The following NXPH2 variants were observed in gnomAD, a reference collection of about 807,000 sequenced individuals.
The protein encoded by NXPH2 is neurexophilin 2, also known as neurexophilin-2.
NXPH2 carries 5 observed loss-of-function variants against 19.8 expected under a neutral mutation model. That is an observed-to-expected ratio of 0.25 (90% confidence interval 0.13 to 0.53). The LOEUF is 0.53. Ranked by LOEUF, NXPH2 falls within the 20% of genes least tolerant of loss-of-function variation. NXPH2 has a pLI of 0.96. For missense variants in NXPH2, 289 were observed against 322.8 expected (o/e 0.90, Z 0.80); for synonymous variants, 154 against 127.4 (o/e 1.21, Z -1.41).
chr2:138,696,774 A>G lies in NXPH2; in HGVS notation c.52-25109T>C, dbSNP rs143678188. On this transcript the variant is annotated intron_variant, in intron 1 of 1. Transcript: ENST00000272641. ...GTATTTATCCAAGAGAAATGAGTAC[A>G]TATGTCTAAGCAAAGACTTTTACAC... 2.6e-4 allele frequency among the ~76,000 whole-genome samples: 39 copies of G among 152,312 alleles called. No homozygotes were observed. The East Asian group carries it at 6.4e-3, about 25-fold the overall frequency.
chr2:138,758,540 T>C (rs958731078), intron 1 of NXPH2, among the ~76,000 whole-genome samples: 16 of 152,308 alleles, frequency 1.1e-4, no homozygotes, highest in African/African-American at 3.8e-4. Context: ...CCACTCACAA[T>C]AGTGTTTCTC....
intron 1 of NXPH2, among the ~76,000 whole-genome samples, chr2:138,672,677 CTTG>C (rs1407183337): frequency 6.6e-6 from 1 of 152,156 alleles, no homozygotes; most frequent in East Asian, 1.9e-4. Flanking sequence ...ACAAACCACT[CTTG>C]TAATGATTCT....
chr2:138,700,829 T>A (rs1342550330), intron 1 of NXPH2, among the ~76,000 whole-genome samples: 1 of 152,066 alleles, frequency 6.6e-6, no homozygotes, highest in East Asian at 1.9e-4. Context: ...ACTGTAATTA[T>A]GTGTTGGTTC....
chr2:138,776,023 C>T (rs973740835), intron 1 of NXPH2, among the ~76,000 whole-genome samples: 5 of 152,002 alleles, frequency 3.3e-5, no homozygotes, highest in Non-Finnish European at 7.4e-5. Flanking sequence ...AATATGTAAA[C>T]GGTAAGAGAC....
intron 1 of NXPH2, among the ~76,000 whole-genome samples, chr2:138,760,246 A>T (rs1183948631): frequency 6.6e-6 from 1 of 152,186 alleles, no homozygotes; most frequent in African/African-American, 2.4e-5. Context: ...ACCTCCCGCC[A>T]ACTACTAATG....
intron 1 of NXPH2, among the ~76,000 whole-genome samples, chr2:138,709,615 C>T (rs937958826): frequency 6.6e-6 from 1 of 152,036 alleles, no homozygotes; most frequent in Admixed American, 6.6e-5. Flanking sequence ...TGACATGTAC[C>T]CACCATTATA....
chr2:138,727,699 T>C (rs1230324292), intron 1 of NXPH2, among the ~76,000 whole-genome samples: 1 of 152,012 alleles, frequency 6.6e-6, no homozygotes, highest in Admixed American at 6.6e-5. Context: ...AAACATTTTC[T>C]CCCAGTCTGT....
intron 1 of NXPH2, among the ~76,000 whole-genome samples, chr2:138,675,126 C>T (rs1025243328): frequency 6.6e-6 from 1 of 152,138 alleles, no homozygotes; most frequent in East Asian, 1.9e-4. Context: ...ATTACAAATA[C>T]CATGACACTT....
At chr2:138,687,230 T>A (rs1680672649) in intron 1 of NXPH2, among the ~76,000 whole-genome samples, 1 of 152,238 alleles carries the variant, frequency 6.6e-6, no homozygotes, top group South Asian at 2.1e-4. Flanking sequence ...TCCTGACTTT[T>A]TAATGTTTGC....
chr2:138,737,450 A>G (rs904013632), intron 1 of NXPH2, among the ~76,000 whole-genome samples: 1 of 152,186 alleles, frequency 6.6e-6, no homozygotes, highest in East Asian at 1.9e-4. Context: ...AACTGCACCC[A>G]TGATTCAATT....
At chr2:138,771,074 A>G (rs1014768514) in intron 1 of NXPH2, among the ~76,000 whole-genome samples, 4 of 152,160 alleles carry the variant, frequency 2.6e-5, no homozygotes, top group African/African-American at 9.6e-5. Context: ...GAAAACATTT[A>G]TAATTATCAA....
chr2:138,748,857 A>G lies in NXPH2; in HGVS notation c.51+31334T>C, dbSNP rs1439226389. On this transcript the variant is annotated intron_variant, in intron 1 of 1. Coordinates refer to ENST00000272641, the MANE Select transcript of NXPH2 (RefSeq NM_007226.3). ...AGACATTAAAAAAATAAAATTATGC[A>G]TTGTGATCAGCAAGCGTAAGGGATG... Among the ~76,000 whole-genome samples the G allele has an allele frequency of 3.3e-5, 5 of 152,200 alleles. 1 individual carries two copies.
intron 1 of NXPH2, among the ~76,000 whole-genome samples, chr2:138,709,836 A>G (rs961517554): frequency 6.6e-6 from 1 of 152,190 alleles, no homozygotes; most frequent in African/African-American, 2.4e-5. Context: ...ATGTCTTTTC[A>G]TGGTTTAATC....
chr2:138,759,260 G>A (rs907435639), intron 1 of NXPH2, among the ~76,000 whole-genome samples: 4 of 152,134 alleles, frequency 2.6e-5, no homozygotes, highest in South Asian at 2.1e-4. Flanking sequence ...AATAGCAAAA[G>A]CTTACAACAG....
chr2:138,733,230 C>T (rs1573970600), intron 1 of NXPH2, among the ~76,000 whole-genome samples: 1 of 152,110 alleles, frequency 6.6e-6, no homozygotes, highest in East Asian at 1.9e-4. Context: ...TCTGAGATCC[C>T]TTAGTATGAA....
rs551253533 is a variant in NXPH2 at position 138,715,437 on chromosome 2, T to C, written c.52-43772A>G. The stretch of plus-strand genomic sequence containing the variant: ...TGTGTCCATACATCAGATTTTTAAA[T>C]AAATGTATTGAATATAACAAACATC... On this transcript the variant is annotated intron_variant, in intron 1 of 1. Coordinates refer to ENST00000272641, the MANE Select transcript of NXPH2 (RefSeq NM_007226.3). Among the ~76,000 whole-genome samples, 127 of 152,366 alleles carry C rather than the reference T, an allele frequency of 8.3e-4. 1 individual carries two copies. The highest frequency in any genetic ancestry group is 2.5e-3 in the African/African-American group (105 of 41,586).
chr2:138,763,155 A>G (rs760259047), intron 1 of NXPH2, among the ~76,000 whole-genome samples: 5 of 152,236 alleles, frequency 3.3e-5, no homozygotes, highest in Admixed American at 6.5e-5. Flanking sequence ...AAGTGTCCTT[A>G]GCATATAAAT....
chr2:138,734,524 G>A (rs1288691152), intron 1 of NXPH2, among the ~76,000 whole-genome samples: 2 of 152,202 alleles, frequency 1.3e-5, no homozygotes, highest in Non-Finnish European at 2.9e-5. Flanking sequence ...TTAAGGAGAA[G>A]GGAGTACTTG....
chr2:138,686,960 C>T (rs1403233199), intron 1 of NXPH2, among the ~76,000 whole-genome samples: 1 of 152,132 alleles, frequency 6.6e-6, no homozygotes, highest in African/African-American at 2.4e-5. Context: ...CATTGATGGA[C>T]ATTTGGGTTG....
Sources: allele counts gnomAD v4.1 joint callset (sites outside exome capture counted in the v4.1 genomes callset), GRCh38; gene constraint gnomAD v4.1.1; transcripts MANE v1.5; gene names NCBI Gene and HGNC (gene_info 2026-07-23, HGNC 2026-07-21).